The following CNTNAP5 variants were observed in gnomAD, a reference collection of about 807,000 sequenced individuals.
CNTNAP5 encodes the protein contactin-associated protein-like 5.
CNTNAP5 carries 72 observed loss-of-function variants against 150.2 expected under a neutral mutation model. The ratio of observed to expected loss-of-function variants is 0.48; its 90% CI spans 0.40 to 0.58. The LOEUF (loss-of-function observed/expected upper bound fraction) is 0.58. Ranked by LOEUF, CNTNAP5 falls within the 20% of genes least tolerant of loss-of-function variation. The probability of loss-of-function intolerance (pLI) is 0.00; values close to 1 mark genes in which losing one functional copy is unlikely to be tolerated. For synonymous variants in CNTNAP5, 672 were observed against 619.8 expected (o/e 1.08, Z -1.25); for missense variants, 1,636 against 1,626.2 (o/e 1.01, Z -0.10).
chr2:124,559,287 A>G (rs1193702935), intron 10 of CNTNAP5, among the ~76,000 whole-genome samples: 1 of 151,788 alleles, frequency 6.6e-6, no homozygotes, highest in Non-Finnish European at 1.5e-5. Flanking sequence ...TTTCATTCCT[A>G]TCTCTTTTCT....
At chr2:124,510,475 GTGTATATATA>G (rs1694552985) in intron 8 of CNTNAP5, among the ~76,000 whole-genome samples, 1 of 35,116 alleles carries the variant, frequency 2.8e-5, no homozygotes. Flanking sequence ...TTTTATGTAT[GTGTATATATA>G]TATATATATA....
intron 1 of CNTNAP5, among the ~76,000 whole-genome samples, chr2:124,067,623 G>A (rs1174707624): frequency 1.3e-5 from 2 of 152,162 alleles, no homozygotes; most frequent in South Asian, 2.1e-4. Context: ...TAGAGCATGA[G>A]TAACTTTTTT....
chr2:124,082,162 A>T (rs532565847), intron 1 of CNTNAP5, among the ~76,000 whole-genome samples: 56 of 152,200 alleles, frequency 3.7e-4, no homozygotes, highest in African/African-American at 1.3e-3. Flanking sequence ...ATCCTGGCTA[A>T]CACGGTGAAA....
At chr2:124,783,592 A>G (rs1016205580) in intron 17 of CNTNAP5, among the ~76,000 whole-genome samples, 1 of 152,118 alleles carries the variant, frequency 6.6e-6, no homozygotes, top group Non-Finnish European at 1.5e-5. Context: ...ATTTCTACCA[A>G]ACAAATAAGG....
At chr2:124,609,241 T>C (rs1677318807) in intron 11 of CNTNAP5, among the ~76,000 whole-genome samples, 1 of 152,182 alleles carries the variant, frequency 6.6e-6, no homozygotes, top group Non-Finnish European at 1.5e-5. Context: ...AGGGGCCACA[T>C]TTTGAGAGGC....
Position 124,198,790 on chromosome 2 carries a change from A to T in CNTNAP5, c.83-22915A>T, listed in dbSNP as rs533063026. On this transcript the variant is annotated intron_variant, in intron 1 of 23. Transcript: ENST00000682447. ...TTTTTCAGTTTTCCCTTTTACAATT[A>T]AACCTTTAGTCTATCTGGCATGTAT... Among the ~76,000 whole-genome samples the T allele has an allele frequency of 2.6e-5, 4 of 151,612 alleles. No individual in the cohort carries two copies. The East Asian group carries it at 5.8e-4, about 22-fold the overall frequency.
chr2:124,832,793 A>G (rs1056835853), intron 19 of CNTNAP5, among the ~76,000 whole-genome samples: 2 of 152,200 alleles, frequency 1.3e-5, no homozygotes, highest in African/African-American at 4.8e-5. Flanking sequence ...AATAGACAAC[A>G]GATTCAAGTA....
intron 3 of CNTNAP5, among the ~76,000 whole-genome samples, chr2:124,405,314 CCTT>C (rs1322201876): frequency 1.3e-5 from 2 of 152,180 alleles, no homozygotes; most frequent in African/African-American, 2.4e-5. Context: ...TGGGCTGAAA[CCTT>C]CTTTGATGAT....
intron 3 of CNTNAP5, among the ~76,000 whole-genome samples, chr2:124,362,698 C>G (rs1690247387): frequency 6.6e-6 from 1 of 152,158 alleles, no homozygotes; most frequent in Admixed American, 6.5e-5. Context: ...TAATTATTCT[C>G]AGTTTGCAAG....
intron 1 of CNTNAP5, among the ~76,000 whole-genome samples, chr2:124,103,917 T>C (rs1683116486): frequency 6.8e-6 from 1 of 147,684 alleles, no homozygotes; most frequent in Admixed American, 6.8e-5. Flanking sequence ...TGTATTTCTA[T>C]ATAGATTATA....
rs568480196 is a variant in CNTNAP5, at chr2:124,503,070, G to A, written c.1063-1222G>A. Among the ~76,000 whole-genome samples, 5 of 152,120 alleles carry A rather than the reference G, an allele frequency of 3.3e-5. No individual in the cohort carries two copies. In the East Asian group the frequency reaches 5.8e-4, roughly 18 times the overall value. ...TATATACTGTGGGTGATTGCTTGAC[G>A]GATATCAAGGTCCTTACCCTTTGAC... On this transcript the variant is annotated intron_variant, in intron 7 of 23. Coordinates refer to ENST00000682447, the MANE Select transcript of CNTNAP5 (RefSeq NM_001367498.1).
chr2:124,086,095 G>A lies in CNTNAP5; in HGVS notation c.82+60363G>A, dbSNP rs1682682777. Among the ~76,000 whole-genome samples the A allele has an allele frequency of 6.0e-5, 9 of 149,534 alleles. No homozygotes were observed. The South Asian group carries it at 1.7e-3, about 28-fold the overall frequency. ...CGTCTCAAACTACACTTGTGAATTT[G>A]TCTATTTCTCCTTTCAGTTCTATCG... is the stretch of plus-strand genomic sequence containing the variant. On this transcript the variant is annotated intron_variant, in intron 1 of 23. Coordinates refer to ENST00000682447, the MANE Select transcript of CNTNAP5 (RefSeq NM_001367498.1).
chr2:124,195,191 T>G (rs1247064275), intron 1 of CNTNAP5, among the ~76,000 whole-genome samples: 2 of 151,868 alleles, frequency 1.3e-5, no homozygotes, highest in African/African-American at 4.8e-5. Flanking sequence ...CCACTGGGAG[T>G]GGTATGGCCG....
rs376524225 is a variant in CNTNAP5, at chr2:124,358,427, G to A, written c.382-59016G>A. Among the ~76,000 whole-genome samples the A allele has an allele frequency of 4.6e-5, 7 of 152,258 alleles. No individual in the cohort carries two copies. In the South Asian group the frequency reaches 8.3e-4, roughly 18 times the overall value. ...CCAGTTTTTGCCCATTCAGTATGAT[G>A]TTGGCTGTGGGTGTGTCATAGATAG... On this transcript the variant is annotated intron_variant, in intron 3 of 23. Coordinates refer to ENST00000682447, the MANE Select transcript of CNTNAP5 (RefSeq NM_001367498.1).
rs115222885 is a variant in CNTNAP5 at position 124,910,233 on chromosome 2, G to A, written c.3656-1234G>A. Among the ~76,000 whole-genome samples, 1,025 of 152,062 alleles carry A rather than the reference G, an allele frequency of 6.7e-3. 10 individuals carry two copies. The highest frequency in any genetic ancestry group is 0.023 in the African/African-American group (972 of 41,494). ...CAAGTGCTGTGGTATGAAGAATTGC[G>A]TGTCTTGGTTTTTTCATTAGCAAGC... is the stretch of plus-strand genomic sequence containing the variant. On this transcript the variant is annotated intron_variant, in intron 22 of 23. Coordinates refer to ENST00000682447, the MANE Select transcript of CNTNAP5 (RefSeq NM_001367498.1).
At chr2:124,761,206 C>T (rs888526264) in intron 14 of CNTNAP5, among the ~76,000 whole-genome samples, 8 of 152,102 alleles carry the variant, frequency 5.3e-5, no homozygotes, top group Non-Finnish European at 1.2e-4. Context: ...CCCACCATGA[C>T]GATCACCACT....
At chr2:124,805,163 C>A (rs201542698) in intron 19 of CNTNAP5, among the ~76,000 whole-genome samples, 2 of 152,080 alleles carry the variant, frequency 1.3e-5, no homozygotes, top group East Asian at 3.9e-4. Flanking sequence ...TACAGGGTGT[C>A]CTCTTGAAAA....
chr2:124,597,308 T>C (rs956217806), intron 11 of CNTNAP5, among the ~76,000 whole-genome samples: 1 of 150,882 alleles, frequency 6.6e-6, no homozygotes, highest in African/African-American at 2.4e-5. Context: ...GTTTAGCGCT[T>C]CCTTCAGGAG....
intron 10 of CNTNAP5, among the ~76,000 whole-genome samples, chr2:124,551,150 G>A (rs183470390): frequency 6.6e-6 from 1 of 152,182 alleles, no homozygotes; most frequent in East Asian, 1.9e-4. Context: ...TTGAACCCCA[G>A]CATTGTTGCT....
Sources: allele counts gnomAD v4.1 joint callset (sites outside exome capture counted in the v4.1 genomes callset), GRCh38; gene constraint gnomAD v4.1.1; transcripts MANE v1.5; gene names NCBI Gene and HGNC (gene_info 2026-07-23, HGNC 2026-07-21).